TMEM182: variants seen among roughly 807,000 people sequenced by gnomAD.
The protein encoded by TMEM182 is transmembrane protein 182.
In TMEM182, 20 loss-of-function variants were observed where a neutral mutation model predicts 26.8. The ratio of observed to expected loss-of-function variants is 0.75; its 90% confidence interval spans 0.53 to 1.09. The LOEUF (loss-of-function observed/expected upper bound fraction) is 1.09, where lower values mean the gene tolerates loss of function less well. Among genes scored for constraint, TMEM182 ranks in the 50% least tolerant of loss-of-function variants. The pLI is 0.00. For missense variants in TMEM182, 277 were observed against 275.5 expected (o/e 1.01, Z -0.04); for synonymous variants, 109 against 102.2 (o/e 1.07, Z -0.40).
At chr2:102,801,457 A>G (rs1409090999) in intron 4 of TMEM182, among the ~76,000 whole-genome samples, 3 of 152,244 alleles carry the variant, frequency 2.0e-5, no homozygotes, top group Non-Finnish European at 4.4e-5. Flanking sequence ...ACAGTTAATC[A>G]AATTGTGGTA....
At chr2:102,739,917 C>T (rs748409404) in intron 1 of TMEM182, among the ~76,000 whole-genome samples, 4 of 152,068 alleles carry the variant, frequency 2.6e-5, no homozygotes. Context: ...CTGATCCAGT[C>T]GTCCTATGTC....
At chr2:102,825,455 C>T (rs140515674) in intron 3 of TMEM182, among the ~76,000 whole-genome samples, 1,616 of 152,136 alleles carry the variant, frequency 0.011, 15 homozygotes, top group Non-Finnish European at 0.016. Context: ...TAAATATTTC[C>T]AGTATTATTG....
intron 4 of TMEM182, among the ~76,000 whole-genome samples, chr2:102,808,285 A>C (rs1476103412): frequency 6.6e-6 from 1 of 152,226 alleles, no homozygotes; most frequent in African/African-American, 2.4e-5. Context: ...TGAATGAGCC[A>C]TTCAGCTTTC....
At chr2:102,811,446 T>G (rs532509617) in intron 4 of TMEM182, among the ~76,000 whole-genome samples, 21 of 152,358 alleles carry the variant, frequency 1.4e-4, no homozygotes, top group Non-Finnish European at 2.6e-4. Flanking sequence ...AAGCATTTTA[T>G]TGGAAGAGAT....
chr2:102,789,064 C>T (rs561179582), intron 3 of TMEM182, among the ~76,000 whole-genome samples: 17 of 152,262 alleles, frequency 1.1e-4, no homozygotes, highest in East Asian at 5.8e-4. Context: ...TTGCCTAAAG[C>T]GAGGCAACAT....
chr2:102,748,427 A>G (rs2104636045), intron 1 of TMEM182, among the ~76,000 whole-genome samples: 1 of 152,328 alleles, frequency 6.6e-6, no homozygotes, highest in Middle Eastern at 3.4e-3. Flanking sequence ...GTTTTGGTCT[A>G]AAGATAATTT....
intron 3 of TMEM182, among the ~76,000 whole-genome samples, chr2:102,843,191 C>G (rs896041027): frequency 2.6e-5 from 4 of 152,146 alleles, no homozygotes; most frequent in Admixed American, 2.6e-4. Flanking sequence ...ACCATGACAC[C>G]TCCAGTAAGT....
At chr2:102,773,857 C>G (rs1680786358) in intron 3 of TMEM182, among the ~76,000 whole-genome samples, 1 of 151,994 alleles carries the variant, frequency 6.6e-6, no homozygotes, top group Non-Finnish European at 1.5e-5. Context: ...AATTATTTAA[C>G]TACCATAAGG....
At chr2:102,814,305 T>C (rs1682661327) in intron 4 of TMEM182, among the ~76,000 whole-genome samples, 1 of 152,144 alleles carries the variant, frequency 6.6e-6, no homozygotes, top group Non-Finnish European at 1.5e-5. Context: ...TGTGTCTGTG[T>C]ATATCTAAAA....
intron 3 of TMEM182, among the ~76,000 whole-genome samples, chr2:102,839,463 A>ATG (rs889188962): frequency 2.0e-5 from 3 of 146,790 alleles, no homozygotes; most frequent in Non-Finnish European, 4.5e-5. Flanking sequence ...ATATATATAT[A>ATG]TATATATAAT....
chr2:102,758,792 T>G (rs1169049579), upstream of TMEM182, among the ~76,000 whole-genome samples: 1 of 152,240 alleles, frequency 6.6e-6, no homozygotes, highest in Non-Finnish European at 1.5e-5. Context: ...AGTTTTATGA[T>G]AGCAAAAGTA....
At chr2:102,784,971 T>C (rs1681328235) in intron 3 of TMEM182, among the ~76,000 whole-genome samples, 1 of 152,160 alleles carries the variant, frequency 6.6e-6, no homozygotes, top group African/African-American at 2.4e-5. Context: ...GCCTTAATCA[T>C]CTAGGAATGC....
intron 1 of TMEM182, among the ~76,000 whole-genome samples, chr2:102,747,062 C>T (rs1291935558): frequency 1.3e-5 from 2 of 152,232 alleles, no homozygotes; most frequent in African/African-American, 2.4e-5. Flanking sequence ...TATACTTGTT[C>T]TACTGGGGAG....
At chr2:102,752,725 GA>G (rs1318534339) in intron 1 of TMEM182, among the ~76,000 whole-genome samples, 3 of 152,204 alleles carry the variant, frequency 2.0e-5, no homozygotes, top group Non-Finnish European at 2.9e-5. Flanking sequence ...ACCTCGTCTG[GA>G]AAGTCAGTTG....
At chr2:102,830,367 C>G (rs1181527514) in intron 3 of TMEM182, among the ~76,000 whole-genome samples, 4 of 152,090 alleles carry the variant, frequency 2.6e-5, no homozygotes, top group African/African-American at 9.7e-5. Flanking sequence ...GCTTTCAGCA[C>G]TTGGGTTTTA....
intron 1 of TMEM182, among the ~76,000 whole-genome samples, chr2:102,753,849 G>C (rs1326147329): frequency 6.6e-6 from 1 of 152,188 alleles, no homozygotes; most frequent in African/African-American, 2.4e-5. Context: ...AGGTGTAAGA[G>C]ATGCAACACT....
intron 3 of TMEM182, among the ~76,000 whole-genome samples, chr2:102,776,877 A>G (rs1271575919): frequency 6.6e-6 from 1 of 152,056 alleles, no homozygotes; most frequent in African/African-American, 2.4e-5. Flanking sequence ...CATTGTTTTA[A>G]TCTGCAATTC....
chr2:102,832,738 GT>G (rs1226312239), intron 3 of TMEM182, among the ~76,000 whole-genome samples: 1 of 152,128 alleles, frequency 6.6e-6, no homozygotes, highest in African/African-American at 2.4e-5. Context: ...GACAGTAATT[GT>G]TTTCAGAAAG....
chr2:102,835,444 A>G (rs997528449), intron 3 of TMEM182, among the ~76,000 whole-genome samples: 3 of 152,146 alleles, frequency 2.0e-5, no homozygotes, highest in African/African-American at 7.2e-5. Flanking sequence ...CTTACAATTT[A>G]TGAGCCTTCA....
Sources: gnomAD v4.1 joint callset for allele counts (sites outside exome capture counted in the v4.1 genomes callset) on GRCh38, gnomAD v4.1.1 for gene constraint, MANE v1.5 for transcripts, NCBI Gene and HGNC (gene_info 2026-07-23, HGNC 2026-07-21) for gene names.